The following SEMA3D variants were observed in gnomAD, a reference collection of about 807,000 sequenced individuals.
SEMA3D encodes the protein semaphorin-3D.
A neutral mutation model predicts 100.1 loss-of-function variants in SEMA3D; 84 were observed. The observed-to-expected ratio is 0.84, with a 90% CI of 0.70 to 1.01. The LOEUF (loss-of-function observed/expected upper bound fraction) is 1.01, where lower values mean the gene tolerates loss of function less well. SEMA3D is among the 50% of genes least tolerant of loss of function. The pLI is 0.00. For synonymous variants in SEMA3D, 312 were observed against 320.7 expected (o/e 0.97, Z 0.29); for missense variants, 875 against 934.1 (o/e 0.94, Z 0.82).
intron 7 of SEMA3D, among the ~76,000 whole-genome samples, chr7:85,067,356 T>C (rs563198204): frequency 8.5e-5 from 13 of 152,254 alleles, no homozygotes; most frequent in South Asian, 4.1e-4. Context: ...ATCTATCTCA[T>C]TTTCTGAGAA....
At chr7:85,047,064 G>T (rs1246357705) in intron 9 of SEMA3D, among the ~76,000 whole-genome samples, 1 of 151,756 alleles carries the variant, frequency 6.6e-6, no homozygotes, top group Admixed American at 6.6e-5. Context: ...CTGATCACAT[G>T]TGTTCAATTT....
intron 2 of SEMA3D, chr7:85,141,861 T>C (rs1050305964): frequency 1.4e-5 from 13 of 903,964 alleles, no homozygotes; most frequent in Non-Finnish European, 1.5e-5. Flanking sequence ...GCCCAGTTTA[T>C]AAAGCCTTCA....
chr7:85,071,315 A>G (rs1053483660), intron 6 of SEMA3D, among the ~76,000 whole-genome samples: 1 of 152,144 alleles, frequency 6.6e-6, no homozygotes, highest in African/African-American at 2.4e-5. Context: ...TTTAACTGTC[A>G]GGGTTGCTTT....
chr7:85,069,661 T>C (rs910578758), intron 6 of SEMA3D, among the ~76,000 whole-genome samples: 10 of 152,244 alleles, frequency 6.6e-5, no homozygotes, highest in South Asian at 4.1e-4. Context: ...GCTACACAGA[T>C]GGAAATATGG....
intron 4 of SEMA3D, among the ~76,000 whole-genome samples, chr7:85,089,638 TG>T (rs1788323276): frequency 6.6e-6 from 1 of 152,050 alleles, no homozygotes. Flanking sequence ...CCTAGCACTT[TG>T]GGATTACAAG....
At chr7:85,047,274 G>T (rs547586089) in intron 9 of SEMA3D, among the ~76,000 whole-genome samples, 1 of 151,992 alleles carries the variant, frequency 6.6e-6, no homozygotes, top group Non-Finnish European at 1.5e-5. Flanking sequence ...GAATTACTAA[G>T]ATCTTCTAAT....
intron 2 of SEMA3D, chr7:85,142,345 T>A: frequency 1.1e-6 from 1 of 943,590 alleles, no homozygotes; most frequent in South Asian, 4.9e-5. Context: ...CATATGAATT[T>A]TATTGCTTTA....
At position 85,068,250 on chromosome 7, in the gene SEMA3D, T is replaced by A; in HGVS notation, c.530A>T (p.Glu177Val). 1.2e-6 allele frequency: 2 copies of A among 1,605,782 alleles called. No homozygotes were observed. Among genetic ancestry groups the A allele is most frequent in the Non-Finnish European group, 1.7e-6 (2 of 1,172,562 alleles). ...GAAAGGACATTTCAGTCTGCCAGAC[T>A]CCAAATTATGTGTGTCTAGTTTGAA... ...IIFKLDTHNLESGRLKCPFDP... is the reference protein window; with the variant it reads ...IIFKLDTHNLVSGRLKCPFDP... The change falls in exon 7 of 19, where the codon GAG becomes GTG. Residue 177 changes from glutamate to valine, a missense_variant. Transcript: ENST00000284136.
At chr7:85,069,503 A>G (rs1791714733) in intron 6 of SEMA3D, among the ~76,000 whole-genome samples, 1 of 152,198 alleles carries the variant, frequency 6.6e-6, no homozygotes, top group Non-Finnish European at 1.5e-5. Flanking sequence ...ACAAGAAAAT[A>G]ATATAAAAAA....
intron 1 of SEMA3D, among the ~76,000 whole-genome samples, chr7:85,161,239 G>A (rs1372263905): frequency 6.6e-6 from 1 of 152,088 alleles, no homozygotes; most frequent in African/African-American, 2.4e-5. Flanking sequence ...GTTTCCAGAA[G>A]GGAACTAAAT....
the SEMA3D span, among the ~76,000 whole-genome samples, chr7:85,244,225 A>C: frequency 6.6e-6 from 1 of 152,326 alleles, no homozygotes; most frequent in Admixed American, 6.5e-5. Flanking sequence ...AGAGAGATGC[A>C]CTAGAAGCTG....
chr7:85,084,018 G>A (rs945440899), intron 4 of SEMA3D, among the ~76,000 whole-genome samples: 4 of 150,554 alleles, frequency 2.7e-5, no homozygotes, highest in Admixed American at 6.6e-5. Flanking sequence ...GTGGTGGCAG[G>A]TGCCTGTGGT....
intron 2 of SEMA3D, among the ~76,000 whole-genome samples, chr7:85,129,346 CAT>C (rs1403905618): frequency 9.9e-5 from 15 of 151,862 alleles, no homozygotes; most frequent in South Asian, 2.1e-4. Context: ...TATTTATTGA[CAT>C]GTGTGGTAGT....
chr7:85,033,714 AAAAC>A (rs949111338), intron 12 of SEMA3D, among the ~76,000 whole-genome samples: 54 of 152,004 alleles, frequency 3.6e-4, no homozygotes, highest in African/African-American at 1.3e-3. Flanking sequence ...AAAACAAATA[AAAAC>A]AAACAAAAAA....
intron 4 of SEMA3D, among the ~76,000 whole-genome samples, chr7:85,093,374 A>G (rs1788457516): frequency 6.6e-6 from 1 of 152,088 alleles, no homozygotes; most frequent in East Asian, 1.9e-4. Flanking sequence ...AAAAAGAGAT[A>G]TAAGTGATGA....
chr7:85,086,190 T>C (rs1444628311), intron 4 of SEMA3D, among the ~76,000 whole-genome samples: 1 of 152,192 alleles, frequency 6.6e-6, no homozygotes, highest in African/African-American at 2.4e-5. Context: ...CAACCTATGA[T>C]ATATCTGATT....
At chr7:85,231,083 T>A in the SEMA3D span, among the ~76,000 whole-genome samples, 1 of 152,218 alleles carries the variant, frequency 6.6e-6, no homozygotes, top group African/African-American at 2.4e-5. Flanking sequence ...TCTAGTTCTC[T>A]CAGTGTGACT....
chr7:85,117,508 G>T (rs561361203), intron 3 of SEMA3D, among the ~76,000 whole-genome samples: 1 of 152,268 alleles, frequency 6.6e-6, no homozygotes, highest in African/African-American at 2.4e-5. Flanking sequence ...GCCAGGTAAG[G>T]TGGCTCACTC....
At chr7:85,113,338 G>T (rs1418672762) in intron 3 of SEMA3D, among the ~76,000 whole-genome samples, 1 of 151,996 alleles carries the variant, frequency 6.6e-6, no homozygotes, top group Non-Finnish European at 1.5e-5. Context: ...TGAACTGAAG[G>T]GAAATTTCTT....
Sources: allele counts gnomAD v4.1 joint callset (sites outside exome capture counted in the v4.1 genomes callset), GRCh38; gene constraint gnomAD v4.1.1; transcripts MANE v1.5; gene names NCBI Gene and HGNC (gene_info 2026-07-23, HGNC 2026-07-21).